The following VDR variants were observed in gnomAD, a reference collection of about 807,000 sequenced individuals.
VDR encodes the protein vitamin D3 receptor.
A neutral mutation model predicts 39.7 loss-of-function variants in VDR; 19 were observed. The observed-to-expected ratio is 0.48, with a 90% CI of 0.33 to 0.70. VDR has a LOEUF of 0.70. Among genes scored for constraint, VDR ranks in the 30% least tolerant of loss-of-function variants. The pLI is 0.02. For synonymous variants in VDR, 242 were observed against 215.8 expected (o/e 1.12, Z -1.07); for missense variants, 442 against 570.5 (o/e 0.77, Z 2.29).
chr12:47,857,950 T>C (rs1945528454), intron 4 of VDR, among the ~76,000 whole-genome samples: 1 of 152,214 alleles, frequency 6.6e-6, no homozygotes, highest in Non-Finnish European at 1.5e-5. Flanking sequence ...GTCGGGGTTC[T>C]CAAGAACAAG....
chr12:47,892,663 G>A (rs1303217858), intron 1 of VDR, among the ~76,000 whole-genome samples: 1 of 152,142 alleles, frequency 6.6e-6, no homozygotes, highest in Non-Finnish European at 1.5e-5. Flanking sequence ...GAGACACAGT[G>A]GTGAGCAAGA....
intron 4 of VDR, among the ~76,000 whole-genome samples, chr12:47,859,869 C>T (rs1945575315): frequency 4.0e-5 from 1 of 25,184 alleles, no homozygotes; most frequent in Non-Finnish European, 7.1e-5. Flanking sequence ...TTCCTTCTTT[C>T]CTTCCTTCCT....
At chr12:47,852,078 G>T (rs915054053) in intron 7 of VDR, among the ~76,000 whole-genome samples, 1 of 152,232 alleles carries the variant, frequency 6.6e-6, no homozygotes, top group Non-Finnish European at 1.5e-5. Context: ...GAAATTGGAG[G>T]CTGGGGTTCC....
intron 4 of VDR, among the ~76,000 whole-genome samples, chr12:47,864,456 G>A (rs1329562002): frequency 6.6e-6 from 1 of 152,172 alleles, no homozygotes; most frequent in Non-Finnish European, 1.5e-5. Flanking sequence ...TGCTTCCCCT[G>A]GCAGACTCTT....
At position 47,859,873 on chromosome 12, in the gene VDR, C is replaced by T. The variant is rs1042610038; in HGVS notation, c.278-2185G>A. ...TCCTTCCTTCCTTCCTTCTTTCCTT[C>T]CTTCCTTCCTTCCTTCCTTCCTTCC... is the stretch of plus-strand genomic sequence containing the variant. On this transcript the variant is annotated intron_variant, in intron 4 of 9. Coordinates refer to ENST00000549336, the MANE Select transcript of VDR (RefSeq NM_000376.3). Among the ~76,000 whole-genome samples the T allele has an allele frequency of 1.2e-3, 35 of 29,828 alleles. 1 individual carries two copies. The highest frequency in any genetic ancestry group is 9.3e-3 in the African/African-American group (34 of 3,646). The allele number at this position is 29,828 out of a possible 152,430, so 19.6% of individuals were successfully genotyped here. A position where few individuals can be genotyped will look rare whatever the true frequency, so the allele number is the denominator to read the frequency against.
At chr12:47,860,856 T>C (rs78394864) in intron 4 of VDR, among the ~76,000 whole-genome samples, 4 of 152,280 alleles carry the variant, frequency 2.6e-5, no homozygotes, top group Non-Finnish European at 4.4e-5. Flanking sequence ...GTGATCAAGT[T>C]TGATGTAATA....
At chr12:47,894,600 C>G (rs141940792) in intron 1 of VDR, among the ~76,000 whole-genome samples, 1 of 152,192 alleles carries the variant, frequency 6.6e-6, no homozygotes, top group Non-Finnish European at 1.5e-5. Flanking sequence ...CTCCCCCTGA[C>G]CTGAAAAATA....
chr12:47,862,040 A>T (rs944845762), intron 4 of VDR, among the ~76,000 whole-genome samples: 5 of 152,238 alleles, frequency 3.3e-5, no homozygotes, highest in African/African-American at 1.2e-4. Flanking sequence ...CCACACATTT[A>T]TTGAGCACCT....
chr12:47,877,881 A>G (rs1018281632), intron 3 of VDR, among the ~76,000 whole-genome samples: 1 of 152,210 alleles, frequency 6.6e-6, no homozygotes, highest in African/African-American at 2.4e-5. Flanking sequence ...TAGCACCCAC[A>G]GAAACCCCAC....
intron 6 of VDR, among the ~76,000 whole-genome samples, chr12:47,856,223 C>T (rs986654312): frequency 1.3e-5 from 2 of 152,118 alleles, no homozygotes; most frequent in African/African-American, 4.8e-5. Context: ...TATAAAGATG[C>T]AGGAAATTAG....
At chr12:47,874,876 C>T (rs551269289) in intron 3 of VDR, among the ~76,000 whole-genome samples, 14 of 152,282 alleles carry the variant, frequency 9.2e-5, no homozygotes, top group African/African-American at 3.4e-4. Context: ...CTATATATGT[C>T]ATTTGGAATA....
chr12:47,891,061 A>G (rs1330032709), intron 1 of VDR, among the ~76,000 whole-genome samples: 1 of 152,176 alleles, frequency 6.6e-6, no homozygotes, highest in African/African-American at 2.4e-5. Context: ...TGAGTCACGT[A>G]GACTCTTCCG....
chr12:47,882,623 G>GGCCCCGGGGGCCCCCC, intron 2 of VDR, 71 bp downstream of exon 2: 2 of 543,280 alleles, frequency 3.7e-6, no homozygotes, highest in Non-Finnish European at 6.5e-6. Flanking sequence ...ACCTTCTTAT[G>GGCCCCGGGGGCCCCCC]CCCCTCCCCC....
chr12:47,899,051 T>C (rs1946513381), intron 1 of VDR, among the ~76,000 whole-genome samples: 1 of 152,090 alleles, frequency 6.6e-6, no homozygotes, highest in Non-Finnish European at 1.5e-5. Flanking sequence ...TATATCGCGG[T>C]TTTTAAAAAT....
chr12:47,882,263 C>A (rs1313188144), intron 2 of VDR, among the ~76,000 whole-genome samples: 2 of 152,264 alleles, frequency 1.3e-5, no homozygotes, highest in East Asian at 3.9e-4. Flanking sequence ...GAAGACCCAA[C>A]CCTGCTTGAG....
chr12:47,904,489 T>TAAAAAAAAAAAAAAAAAAAAAAAAA (rs1946631469), intron 1 of VDR: 1 of 772,722 alleles, frequency 1.3e-6, no homozygotes, highest in Admixed American at 3.9e-5. Context: ...AAAAAAAAAT[T>TAAAAAAAAAAAAAAAAAAAAAAAAA]ACTTAAAAGA....
chr12:47,857,081 T>C (rs1179241786), intron 6 of VDR, 48 bp downstream of exon 6: 2 of 1,612,186 alleles, frequency 1.2e-6, no homozygotes, highest in Admixed American at 1.7e-5. Context: ...TGCGGTGGAC[T>C]CCTCGCCCCC....
At chr12:47,893,744 T>C (rs1946413358) in intron 1 of VDR, among the ~76,000 whole-genome samples, 1 of 152,216 alleles carries the variant, frequency 6.6e-6, no homozygotes, top group Admixed American at 6.5e-5. Context: ...TTGCCAGGAA[T>C]TGTCTAAGGA....
At position 47,887,331 on chromosome 12, in the gene VDR, A is replaced by AAAAAC. The variant is rs555811791; in HGVS notation, c.-83-4558_-83-4557insGTTTT. 2.2e-4 allele frequency among the ~76,000 whole-genome samples: 34 copies of AAAAAC among 151,224 alleles called. 2 individuals carry two copies. In the South Asian group the frequency reaches 6.9e-3, roughly 31 times the overall value. Reference sequence around the variant, plus strand: ...GAGTAAAACTCCGTCTCAAAAAAAAAAAAAAAAAAACAAAGGAGAAGAAAA... The same window carrying AAAAAC: ...GAGTAAAACTCCGTCTCAAAAAAAAAAAAACAAAAAAAAAACAAAGGAGAAGAAAA... On this transcript the variant is annotated intron_variant, in intron 1 of 9. Transcript: ENST00000549336.
Sources: gnomAD v4.1 joint callset for allele counts (sites outside exome capture counted in the v4.1 genomes callset) on GRCh38, gnomAD v4.1.1 for gene constraint, MANE v1.5 for transcripts, NCBI Gene and HGNC (gene_info 2026-07-23, HGNC 2026-07-21) for gene names.